Variants in KIAA0825 observed in about 807,000 individuals in gnomAD.
The protein encoded by KIAA0825 is uncharacterized protein KIAA0825.
A neutral mutation model predicts 147.6 loss-of-function variants in KIAA0825; 119 were observed. The observed-to-expected ratio is 0.81, with a 90% CI of 0.69 to 0.94. KIAA0825 has a LOEUF of 0.94. Ranked by LOEUF, KIAA0825 falls within the 40% of genes least tolerant of loss-of-function variation. The pLI is 0.00. For missense variants in KIAA0825, 1,381 were observed against 1,472.7 expected, an observed-to-expected ratio of 0.94 and a Z score of 1.02; for synonymous variants, 470 against 518.1, an observed-to-expected ratio of 0.91 and a Z score of 1.26.
chr5:94,199,600 C>A (rs1771471396), intron 20 of KIAA0825, among the ~76,000 whole-genome samples: 1 of 152,066 alleles, frequency 6.6e-6, no homozygotes, highest in Non-Finnish European at 1.5e-5. Context: ...TGGGGGACCA[C>A]ACACACGTAC....
chr5:94,452,901 A>C, intron 13 of KIAA0825, 58 bp downstream of exon 13: 1 of 933,276 alleles, frequency 1.1e-6, no homozygotes, highest in Non-Finnish European at 1.5e-6. Flanking sequence ...AAAAATTTCT[A>C]TTAAATTTTA....
intron 20 of KIAA0825, among the ~76,000 whole-genome samples, chr5:94,191,741 T>G (rs1770693891): frequency 6.6e-6 from 1 of 152,236 alleles, no homozygotes; most frequent in Non-Finnish European, 1.5e-5. Flanking sequence ...ATTAGCCTTC[T>G]GTACCCCAGA....
At chr5:94,188,845 C>G (rs1770399504) in intron 20 of KIAA0825, among the ~76,000 whole-genome samples, 1 of 152,188 alleles carries the variant, frequency 6.6e-6, no homozygotes, top group Non-Finnish European at 1.5e-5. Context: ...AATGTACTGT[C>G]AGATTGATTT....
chr5:94,469,582 G>A (rs1382368955), intron 10 of KIAA0825, among the ~76,000 whole-genome samples: 2 of 152,198 alleles, frequency 1.3e-5, no homozygotes, highest in African/African-American at 4.8e-5. Flanking sequence ...ATATGGAAAT[G>A]TATAACAAGA....
intron 5 of KIAA0825, among the ~76,000 whole-genome samples, chr5:94,495,898 T>C (rs1764296449): frequency 6.6e-6 from 1 of 152,248 alleles, no homozygotes; most frequent in African/African-American, 2.4e-5. Context: ...TATTTGAGTA[T>C]ATAGACAAAT....
chr5:94,545,039 G>A (rs578157432), intron 2 of KIAA0825, among the ~76,000 whole-genome samples: 1 of 152,158 alleles, frequency 6.6e-6, no homozygotes, highest in East Asian at 1.9e-4. Context: ...ACTTAGAAGA[G>A]GGAGAGCACA....
At chr5:94,474,503 T>C (rs6869388) in intron 7 of KIAA0825, among the ~76,000 whole-genome samples, 39,194 of 152,044 alleles carry the variant, frequency 0.26, 6,094 homozygotes, top group African/African-American at 0.43. Flanking sequence ...ACAACAGAGT[T>C]GAATTGTATG....
intron 20 of KIAA0825, among the ~76,000 whole-genome samples, chr5:94,233,608 G>T (rs765181237): frequency 1.4e-4 from 21 of 152,174 alleles, no homozygotes; most frequent in Non-Finnish European, 3.1e-4. Flanking sequence ...TTACAAGGCT[G>T]ATGAAATACT....
rs79418445 is a variant in KIAA0825, at chr5:94,434,069, C to A, written c.2497+5913G>T. Among the ~76,000 whole-genome samples, 105 of 152,264 alleles carry A rather than the reference C, an allele frequency of 6.9e-4. 1 individual carries two copies. In the East Asian group the frequency reaches 0.018, roughly 26 times the overall value. ...AAATAGTGTCTCACAATTTTAAAAT[C>A]TTCTGTGATCATTTGTAGTTGAGAG... On this transcript the variant is annotated intron_variant, in intron 14 of 20. Coordinates refer to ENST00000682413, the MANE Select transcript of KIAA0825 (RefSeq NM_001145678.3).
At chr5:94,264,572 T>C (rs1170637256) in intron 20 of KIAA0825, among the ~76,000 whole-genome samples, 1 of 152,252 alleles carries the variant, frequency 6.6e-6, no homozygotes, top group East Asian at 1.9e-4. Context: ...ATCATAAATA[T>C]CTTTTATTTG....
intron 14 of KIAA0825, among the ~76,000 whole-genome samples, chr5:94,427,260 A>T (rs545933186): frequency 1.2e-4 from 18 of 152,304 alleles, no homozygotes; most frequent in Admixed American, 3.3e-4. Flanking sequence ...CATGCTAGGC[A>T]TGGTGGCTCA....
At position 94,462,378 on chromosome 5, in the gene KIAA0825, G is replaced by T; in HGVS notation, c.2246+9C>A. The T allele has an allele frequency of 7.8e-7, 1 of 1,288,128 alleles. No homozygotes were observed. The highest frequency in any genetic ancestry group is 1.5e-5 in the South Asian group (1 of 67,032). 79.8% of individuals were successfully genotyped at this position (1,288,128 alleles called of 1,614,324 possible). On this transcript the variant is annotated intron_variant, in intron 12 of 20. Transcript: ENST00000682413. ...TAATAGCTAAAAGGAAAATACATTT[G>T]ATACTTACTTATATAATTCTGTTAA...
chr5:94,196,993 A>C (rs1771193537), intron 20 of KIAA0825, among the ~76,000 whole-genome samples: 1 of 152,184 alleles, frequency 6.6e-6, no homozygotes, highest in Admixed American at 6.5e-5. Flanking sequence ...CAGGAATGGG[A>C]TTGCTAAGTT....
At chr5:94,333,432 G>T (rs112930392) in intron 20 of KIAA0825, among the ~76,000 whole-genome samples, 5 of 152,036 alleles carry the variant, frequency 3.3e-5, no homozygotes, top group African/African-American at 7.2e-5. Flanking sequence ...TTCAGTATCG[G>T]TTTTTTTGCA....
At chr5:94,470,316 C>T (rs1214675737) in intron 9 of KIAA0825, among the ~76,000 whole-genome samples, 3 of 151,652 alleles carry the variant, frequency 2.0e-5, no homozygotes, top group African/African-American at 4.8e-5. Context: ...CCTTTGAAAA[C>T]GTACATCTGC....
intron 20 of KIAA0825, among the ~76,000 whole-genome samples, chr5:94,266,794 A>T (rs1306479974): frequency 2.0e-5 from 3 of 152,184 alleles, no homozygotes; most frequent in Non-Finnish European, 4.4e-5. Flanking sequence ...TGTTATTTTC[A>T]AGTGAATTCA....
At position 94,153,871 on chromosome 5, in the gene KIAA0825, T is replaced by C; in HGVS notation, c.*136A>G. The stretch of plus-strand genomic sequence containing the variant: ...CTTATCCTTTATGTGCTGTATTCCT[T>C]TTCAGTACAGAGATTACTCAGTCAT... On this transcript the variant is annotated 3_prime_UTR_variant, in exon 21 of 21. Coordinates refer to ENST00000682413, the MANE Select transcript of KIAA0825 (RefSeq NM_001145678.3). 1.7e-6 allele frequency: 1 copy of C among 581,362 alleles called. No homozygotes were observed. The highest frequency in any genetic ancestry group is 2.6e-5 in the South Asian group (1 of 38,800). 36.0% of individuals were successfully genotyped at this position (581,362 alleles called of 1,614,324 possible).
chr5:94,564,457 AGTGTGTGTGT>A (rs372092487), intron 2 of KIAA0825, among the ~76,000 whole-genome samples: 1 of 14,992 alleles, frequency 6.7e-5, no homozygotes, highest in South Asian at 1.7e-3. Context: ...CTTATTTTTG[AGTGTGTGTGT>A]GTGTGTGTGT....
At chr5:94,234,574 A>G (rs1774938316) in intron 20 of KIAA0825, among the ~76,000 whole-genome samples, 1 of 152,168 alleles carries the variant, frequency 6.6e-6, no homozygotes, top group Non-Finnish European at 1.5e-5. Flanking sequence ...TGATGCTGGC[A>G]TCTGCTTGGC....
Sources: allele counts gnomAD v4.1 joint callset (sites outside exome capture counted in the v4.1 genomes callset), GRCh38; gene constraint gnomAD v4.1.1; transcripts MANE v1.5; gene names NCBI Gene and HGNC (gene_info 2026-07-23, HGNC 2026-07-21).